LGSN: variants seen among roughly 807,000 people sequenced by gnomAD.
LGSN encodes the protein lengsin.
In LGSN, 21 loss-of-function variants were observed where a neutral mutation model predicts 19.5. That is an observed-to-expected ratio of 1.07 (90% CI 0.76 to 1.55). LGSN has a LOEUF of 1.55. Among genes scored for constraint, LGSN ranks in the 40% most tolerant of loss-of-function variants. The probability of loss-of-function intolerance (pLI) is 0.00; values close to 1 mark genes in which losing one functional copy is unlikely to be tolerated. For synonymous variants in LGSN, 257 were observed against 215.6 expected (o/e 1.19, Z -1.68); for missense variants, 673 against 608.5 (o/e 1.11, Z -1.12).
chr6:63,277,332 A>AT lies in LGSN; in HGVS notation c.*2688dup, dbSNP rs1041878285. On this transcript the variant is annotated 3_prime_UTR_variant, in exon 4 of 4. Transcript: ENST00000370657. ...ATAGGGATGGGTTAGAGCCAATCCC[A>AT]TTTTTTGGATGTGTGGATCCCTTTG... 4 of 152,152 alleles carry AT rather than the reference A, an allele frequency of 2.6e-5. No individual in the cohort carries two copies. Among genetic ancestry groups the AT allele is most frequent in the East Asian group, 1.9e-4 (1 of 5,194 alleles). The allele number at this position is 152,152 out of a possible 1,614,324, so 9.4% of individuals were successfully genotyped here.
At chr6:63,567,690 G>A in the LGSN span, among the ~76,000 whole-genome samples, 2 of 152,184 alleles carry the variant, frequency 1.3e-5, no homozygotes, top group Non-Finnish European at 2.9e-5. Context: ...CAAGAGAACT[G>A]CCTGTCCTTC....
chr6:63,306,294 T>C (rs1342543373), intron 1 of LGSN, among the ~76,000 whole-genome samples: 2 of 152,202 alleles, frequency 1.3e-5, no homozygotes, highest in South Asian at 2.1e-4. Context: ...AAGTATTTTA[T>C]TTGAGGTGCT....
the LGSN span, among the ~76,000 whole-genome samples, chr6:63,438,877 T>C: frequency 6.6e-6 from 1 of 152,044 alleles, no homozygotes; most frequent in African/African-American, 2.4e-5. Flanking sequence ...GGACTATAAA[T>C]CATGCTGCTA....
chr6:63,411,892 G>A, the LGSN span, among the ~76,000 whole-genome samples: 2 of 151,964 alleles, frequency 1.3e-5, no homozygotes, highest in Non-Finnish European at 2.9e-5. Flanking sequence ...ACTATCAAAT[G>A]TGCAAGTATT....
At chr6:63,565,389 GAC>G in the LGSN span, among the ~76,000 whole-genome samples, 1 of 151,936 alleles carries the variant, frequency 6.6e-6, no homozygotes, top group Non-Finnish European at 1.5e-5. Context: ...ATGAAAAAGG[GAC>G]AGAGAATGGG....
At chr6:63,450,193 C>CAAAAAA in the LGSN span, among the ~76,000 whole-genome samples, 1 of 94,812 alleles carries the variant, frequency 1.1e-5, no homozygotes, top group Non-Finnish European at 1.9e-5. Flanking sequence ...CTAAAAAATG[C>CAAAAAA]AAAAAAAAAA....
At chr6:63,320,071 G>T (rs1467321393), upstream of LGSN, 3 of 708,170 alleles carry the variant, frequency 4.2e-6, no homozygotes, top group South Asian at 1.6e-5. Flanking sequence ...TTCCAGAGGG[G>T]TCTGGCAGGT....
At chr6:63,378,674 G>T in the LGSN span, among the ~76,000 whole-genome samples, 1 of 152,056 alleles carries the variant, frequency 6.6e-6, no homozygotes, top group South Asian at 2.1e-4. Flanking sequence ...CAAAAAGGAG[G>T]GAGATGCCAG....
the LGSN span, among the ~76,000 whole-genome samples, chr6:63,329,179 G>A: frequency 1.3e-5 from 2 of 152,212 alleles, no homozygotes; most frequent in African/African-American, 4.8e-5. Flanking sequence ...GACTTGAGAA[G>A]TAGCTTAGAT....
the LGSN span, among the ~76,000 whole-genome samples, chr6:63,477,687 CTTTTTTTTTTTTT>C: frequency 4.9e-5 from 3 of 61,048 alleles, no homozygotes; most frequent in African/African-American, 1.8e-4. Flanking sequence ...TTCTTTTTTT[CTTTTTTTTTTTTT>C]TTTTTTTTTT....
the LGSN span, among the ~76,000 whole-genome samples, chr6:63,340,838 T>TTGTGTGTGTGTGTG: frequency 7.5e-5 from 11 of 146,722 alleles, no homozygotes; most frequent in African/African-American, 2.7e-4. Context: ...TTTTTATGGT[T>TTGTGTGTGTGTGTG]TGTGTGTGTG....
chr6:63,445,146 A>C, the LGSN span, among the ~76,000 whole-genome samples: 1 of 152,078 alleles, frequency 6.6e-6, no homozygotes, highest in South Asian at 2.1e-4. Flanking sequence ...CTCCATCTCT[A>C]CAAAAAATGC....
At chr6:63,422,435 G>A in the LGSN span, among the ~76,000 whole-genome samples, 1 of 152,130 alleles carries the variant, frequency 6.6e-6, no homozygotes, top group Non-Finnish European at 1.5e-5. Context: ...TTGATAGTGG[G>A]TAGGCTGTAT....
At chr6:63,531,894 C>T in the LGSN span, among the ~76,000 whole-genome samples, 33 of 152,024 alleles carry the variant, frequency 2.2e-4, 2 homozygotes, top group East Asian at 3.7e-3. Context: ...CCTTGCCTCC[C>T]GGGTTCAAGC....
chr6:63,329,027 C>G, the LGSN span, among the ~76,000 whole-genome samples: 2 of 152,202 alleles, frequency 1.3e-5, no homozygotes, highest in African/African-American at 4.8e-5. Flanking sequence ...CTGCTGTAGG[C>G]AAAGCTGGGC....
At chr6:63,494,923 A>T in the LGSN span, among the ~76,000 whole-genome samples, 6 of 152,224 alleles carry the variant, frequency 3.9e-5, no homozygotes, top group Non-Finnish European at 7.3e-5. Flanking sequence ...ACATTGGCTA[A>T]TATTTTCAGT....
the LGSN span, among the ~76,000 whole-genome samples, chr6:63,442,255 G>A: frequency 5.7e-3 from 865 of 152,260 alleles, 5 homozygotes; most frequent in South Asian, 0.025. Flanking sequence ...TCATAAAGGC[G>A]GCGTAGACCC....
At chr6:63,556,322 T>G in the LGSN span, among the ~76,000 whole-genome samples, 1 of 145,248 alleles carries the variant, frequency 6.9e-6, no homozygotes, top group Non-Finnish European at 1.5e-5. Context: ...TCAAACTTGG[T>G]TTTTTTTTTT....
At chr6:63,531,974 T>C in the LGSN span, among the ~76,000 whole-genome samples, 1 of 152,252 alleles carries the variant, frequency 6.6e-6, no homozygotes, top group East Asian at 1.9e-4. Flanking sequence ...TTAATTTTTG[T>C]ATTTTTAGTA....
Sources: allele counts gnomAD v4.1 joint callset (sites outside exome capture counted in the v4.1 genomes callset), GRCh38; gene constraint gnomAD v4.1.1; transcripts MANE v1.5; gene names NCBI Gene and HGNC (gene_info 2026-07-23, HGNC 2026-07-21).